The following EDAR variants were observed in gnomAD, a reference collection of about 807,000 sequenced individuals.
EDAR encodes the protein tumor necrosis factor receptor superfamily member EDAR.
Under a neutral mutation model 51.3 loss-of-function variants are expected in EDAR, and 38 were observed. That is an observed-to-expected ratio of 0.74 (90% confidence interval 0.57 to 0.97). The LOEUF (loss-of-function observed/expected upper bound fraction) is 0.97. EDAR is among the 50% of genes least tolerant of loss of function. The pLI, the probability that EDAR is intolerant of heterozygous loss-of-function variation, is 0.00. For synonymous variants in EDAR, 227 were observed against 242.1 expected (o/e 0.94, Z 0.58); for missense variants, 528 against 595.0 (o/e 0.89, Z 1.17).
intron 1 of EDAR, among the ~76,000 whole-genome samples, chr2:108,965,052 A>T (rs1698122217): frequency 6.6e-6 from 1 of 152,050 alleles, no homozygotes; most frequent in Admixed American, 6.5e-5. Flanking sequence ...TATTCCTCCA[A>T]ACATTTTTTA....
chr2:108,916,433 C>G (rs970718997), intron 5 of EDAR, among the ~76,000 whole-genome samples: 1 of 152,118 alleles, frequency 6.6e-6, no homozygotes, highest in Non-Finnish European at 1.5e-5. Flanking sequence ...TGTGGGATGC[C>G]TCTGCAGCCC....
At chr2:108,935,831 C>A (rs960876928) in intron 1 of EDAR, among the ~76,000 whole-genome samples, 1 of 152,228 alleles carries the variant, frequency 6.6e-6, no homozygotes, top group Non-Finnish European at 1.5e-5. Context: ...GGGAGCCAGA[C>A]ATGGAAGACA....
chr2:108,932,254 C>T (rs771740184), intron 1 of EDAR, among the ~76,000 whole-genome samples: 2 of 152,014 alleles, frequency 1.3e-5, no homozygotes, highest in Admixed American at 6.6e-5. Context: ...AGAGGCTGAG[C>T]GCGGTGGCTC....
At chr2:108,938,530 A>G (rs1697521722) in intron 1 of EDAR, among the ~76,000 whole-genome samples, 1 of 152,206 alleles carries the variant, frequency 6.6e-6, no homozygotes, top group African/African-American at 2.4e-5. Context: ...AGAAGTTCAG[A>G]GGGAGAGCAC....
intron 11 of EDAR, among the ~76,000 whole-genome samples, chr2:108,903,755 T>C (rs1457040095): frequency 6.6e-6 from 1 of 152,132 alleles, no homozygotes; most frequent in Non-Finnish European, 1.5e-5. Flanking sequence ...AACTCAAACT[T>C]AAATGCAAAA....
chr2:108,898,433 G>A (rs1039239228), intron 11 of EDAR, among the ~76,000 whole-genome samples: 1 of 152,162 alleles, frequency 6.6e-6, no homozygotes, highest in Admixed American at 6.5e-5. Context: ...TAGCAAGACA[G>A]CACCCTCATT....
At chr2:108,924,191 A>G (rs551851313) in intron 4 of EDAR, among the ~76,000 whole-genome samples, 3 of 152,282 alleles carry the variant, frequency 2.0e-5, no homozygotes, top group Non-Finnish European at 2.9e-5. Flanking sequence ...ATGTTCCATT[A>G]TGTCTTTCAG....
At chr2:108,936,047 A>G (rs1462396330) in intron 1 of EDAR, among the ~76,000 whole-genome samples, 2 of 152,228 alleles carry the variant, frequency 1.3e-5, no homozygotes, top group Admixed American at 6.5e-5. Context: ...CACCACCTTT[A>G]GGAGAAGCAG....
chr2:108,902,812 AT>A (rs1238309754), intron 11 of EDAR, among the ~76,000 whole-genome samples: 1 of 152,240 alleles, frequency 6.6e-6, no homozygotes, highest in African/African-American at 2.4e-5. Context: ...ATGGTGAAAA[AT>A]GGAATGCTTT....
chr2:108,956,570 T>C (rs1697929434), intron 1 of EDAR, among the ~76,000 whole-genome samples: 1 of 152,220 alleles, frequency 6.6e-6, no homozygotes, highest in South Asian at 2.1e-4. Context: ...CTCCCTTGGG[T>C]GCTTTTCTGG....
At chr2:108,898,150 C>G (rs1203592581) in intron 11 of EDAR, among the ~76,000 whole-genome samples, 1 of 152,132 alleles carries the variant, frequency 6.6e-6, no homozygotes, top group Non-Finnish European at 1.5e-5. Flanking sequence ...CACAGAAAAA[C>G]TGTGTCCCCA....
At chr2:108,960,035 G>A (rs550435264) in intron 1 of EDAR, among the ~76,000 whole-genome samples, 1 of 152,254 alleles carries the variant, frequency 6.6e-6, no homozygotes, top group Admixed American at 6.5e-5. Flanking sequence ...GGCCACGGTG[G>A]CTCTGAGAAA....
At chr2:108,977,485 T>A (rs1436363185) in intron 1 of EDAR, among the ~76,000 whole-genome samples, 1 of 152,172 alleles carries the variant, frequency 6.6e-6, no homozygotes, top group Non-Finnish European at 1.5e-5. Context: ...TTCGCCAGGA[T>A]GGTCTCGATC....
At chr2:108,945,884 TG>T (rs1395510374) in intron 1 of EDAR, among the ~76,000 whole-genome samples, 1 of 152,188 alleles carries the variant, frequency 6.6e-6, no homozygotes, top group Non-Finnish European at 1.5e-5. Context: ...GAAAGTAGAA[TG>T]TGGGTTGCCA....
At chr2:108,984,904 C>T (rs1173801565) in intron 1 of EDAR, among the ~76,000 whole-genome samples, 2 of 152,194 alleles carry the variant, frequency 1.3e-5, no homozygotes, top group Non-Finnish European at 2.9e-5. Context: ...ATCCTGCCTG[C>T]TTCCTCCTGT....
chr2:108,935,079 G>A (rs559680979), intron 1 of EDAR, among the ~76,000 whole-genome samples: 67 of 152,190 alleles, frequency 4.4e-4, no homozygotes, highest in Non-Finnish European at 7.5e-4. Flanking sequence ...ATAAGAGACC[G>A]CATGACCAGG....
chr2:108,953,279 G>GT (rs1457004908), intron 1 of EDAR, among the ~76,000 whole-genome samples: 1 of 152,168 alleles, frequency 6.6e-6, no homozygotes, highest in Non-Finnish European at 1.5e-5. Context: ...GTTCTCTGTT[G>GT]TCTGCTAGCT....
chr2:108,961,826 C>G (rs933219202), intron 1 of EDAR, among the ~76,000 whole-genome samples: 1 of 152,120 alleles, frequency 6.6e-6, no homozygotes, highest in Non-Finnish European at 1.5e-5. Flanking sequence ...GGGAGGGAGA[C>G]CCTTGCTTCA....
intron 1 of EDAR, among the ~76,000 whole-genome samples, chr2:108,982,850 A>G (rs1698440580): frequency 6.6e-6 from 1 of 152,208 alleles, no homozygotes; most frequent in African/African-American, 2.4e-5. Context: ...AAACTAGGAC[A>G]TTGGCGGGGT....
Sources: allele counts gnomAD v4.1 joint callset (sites outside exome capture counted in the v4.1 genomes callset), GRCh38; gene constraint gnomAD v4.1.1; transcripts MANE v1.5; gene names NCBI Gene and HGNC (gene_info 2026-07-23, HGNC 2026-07-21).